Variants in FOXN1 observed in about 807,000 individuals in gnomAD.
The protein encoded by FOXN1 is forkhead box protein N1.
Under a neutral mutation model 49.0 loss-of-function variants are expected in FOXN1, and 15 were observed. The ratio of observed to expected loss-of-function variants is 0.31; its 90% CI spans 0.20 to 0.47. The LOEUF (loss-of-function observed/expected upper bound fraction) is 0.47. Ranked by LOEUF, FOXN1 falls within the 20% of genes least tolerant of loss-of-function variation. FOXN1 has a pLI of 1.00. For missense variants in FOXN1, 800 were observed against 842.8 expected (o/e 0.95, Z 0.63); for synonymous variants, 356 against 369.0 (o/e 0.96, Z 0.40).
chr17:28,513,763 C>T (rs994390584), intron 1 of FOXN1, among the ~76,000 whole-genome samples: 8 of 152,240 alleles, frequency 5.3e-5, no homozygotes, highest in African/African-American at 1.9e-4. Context: ...TGATGGTGGC[C>T]ATGACCCAGA....
chr17:28,524,339 T>C (rs2069712840), intron 2 of FOXN1, among the ~76,000 whole-genome samples, 164 bp from the exon 3 acceptor site: 1 of 27,880 alleles, frequency 3.6e-5, no homozygotes, highest in African/African-American at 2.3e-4. Flanking sequence ...CAGGGTGCCC[T>C]CATGAAATCG....
chr17:28,538,733 A>G lies in FOXN1; in HGVS notation c.*1297A>G, dbSNP rs1428503579. On this transcript the variant is annotated 3_prime_UTR_variant, in exon 9 of 9. Coordinates refer to ENST00000579795, the MANE Select transcript of FOXN1 (RefSeq NM_001369369.1). ...GCGGGGTGTGGCCCAGGTGCCTGCC[A>G]TGAGCCTGACCCCATCGAGGGGGAA... The G allele has an allele frequency of 2.0e-5, 3 of 152,372 alleles. No individual in the cohort carries two copies. The highest frequency in any genetic ancestry group is 7.2e-5 in the African/African-American group (3 of 41,574). The allele number at this position is 152,372 out of a possible 1,614,324, so 9.4% of individuals were successfully genotyped here. A position where few individuals can be genotyped will look rare whatever the true frequency, so the allele number is the denominator to read the frequency against.
chr17:28,507,397 C>T (rs2069286967), intron 1 of FOXN1, among the ~76,000 whole-genome samples: 1 of 152,208 alleles, frequency 6.6e-6, no homozygotes, highest in Non-Finnish European at 1.5e-5. Context: ...CACCTACAGG[C>T]ATGGGGGATA....
At position 28,506,407 on chromosome 17, in the gene FOXN1, G is replaced by C. The variant is rs2069262625; in HGVS notation, c.-51G>C. The stretch of plus-strand genomic sequence containing the variant: ...GACGGACAGAGCTCCTGGCCCCCCA[G>C]ACCCGGGCCCCCACGCCGACCTGCT... On this transcript the variant is annotated 5_prime_UTR_variant, in exon 1 of 9. Transcript: ENST00000579795. The C allele has an allele frequency of 6.6e-6, 1 of 152,448 alleles. No individual in the cohort carries two copies. Among genetic ancestry groups the C allele is most frequent in the African/African-American group, 2.4e-5 (1 of 41,466 alleles). The allele number at this position is 152,448 out of a possible 1,614,324, so 9.4% of individuals were successfully genotyped here. A position where few individuals can be genotyped will look rare whatever the true frequency, so the allele number is the denominator to read the frequency against.
chr17:28,520,353 C>T lies in FOXN1; in HGVS notation c.-14-3603C>T, dbSNP rs1327576573. On this transcript the variant is annotated intron_variant, in intron 1 of 8. Transcript: ENST00000579795. The stretch of plus-strand genomic sequence containing the variant: ...CCTGAGGACCCCCTCTCTCCTGGGC[C>T]GTGTGGCCTTAGGAAAGTCACTTTA... Among the ~76,000 whole-genome samples, 4 of 152,210 alleles carry T rather than the reference C, an allele frequency of 2.6e-5. 1 individual carries two copies. The highest frequency in any genetic ancestry group is 4.1e-4 in the South Asian group (2 of 4,828).
rs545409337 is a variant in FOXN1, at chr17:28,537,163, C to T, written c.1674C>T (p.Pro558=). Residue 558 remains proline, a synonymous_variant, in exon 9 of 9, where the codon CCC becomes CCT. Transcript: ENST00000579795. ...AGGATGATAGCTTGGCCCTCGACCC[C>T]CTGGTACTGGTGACCTCATCCCCGA... ...QLKDDSLALD[P]LVLVTSSPTS... 1 of 1,614,104 alleles carries T rather than the reference C, an allele frequency of 6.2e-7. No homozygotes were observed. The highest frequency in any genetic ancestry group is 1.1e-5 in the South Asian group (1 of 91,086).
Position 28,534,914 on chromosome 17 carries a change from C to G in FOXN1, c.1343C>G (p.Pro448Arg). ...CAGGACCTACTTATGGGGCACACAC[C>G]CTCCTGCTATGGGCAGACATACTTG... ...PLQDLLMGHT[P>R]SCYGQTYLHL... is the part of the protein sequence containing the mutation. Residue 448 changes from proline (P) to arginine (R), a missense_variant, in exon 8 of 9, where the codon CCC becomes CGC. Coordinates refer to ENST00000579795, the MANE Select transcript of FOXN1 (RefSeq NM_001369369.1). The surrounding 1 kb of genome is among the most constrained non-coding windows in gnomAD (Gnocchi z 4.1). 6.2e-7 allele frequency: 1 copy of G among 1,614,136 alleles called. No homozygotes were observed. Among genetic ancestry groups the G allele is most frequent in the African/African-American group, 1.3e-5 (1 of 75,050 alleles).
chr17:28,515,204 G>A (rs2069469952), intron 1 of FOXN1, among the ~76,000 whole-genome samples: 1 of 152,010 alleles, frequency 6.6e-6, no homozygotes, highest in African/African-American at 2.4e-5. Flanking sequence ...TGACAGCTCT[G>A]TGGGCCAGAT....
chr17:28,529,904 C>T (rs955709526), intron 5 of FOXN1, among the ~76,000 whole-genome samples: 14 of 151,984 alleles, frequency 9.2e-5, no homozygotes, highest in Non-Finnish European at 1.5e-4. Flanking sequence ...AAGACATACA[C>T]GCAGCTCTTG....
intron 1 of FOXN1, among the ~76,000 whole-genome samples, chr17:28,523,342 CG>C (rs967367155): frequency 3.3e-5 from 5 of 152,200 alleles, no homozygotes; most frequent in African/African-American, 1.2e-4. Context: ...TCCAGGCAAC[CG>C]GGGGCCTTTG....
intron 1 of FOXN1, among the ~76,000 whole-genome samples, chr17:28,522,694 C>T (rs999441835): frequency 6.6e-6 from 1 of 151,896 alleles, no homozygotes; most frequent in Admixed American, 6.6e-5. Context: ...AAAAAATAGC[C>T]AGGTGTGGTG....
chr17:28,508,004 C>A (rs1005252151), intron 1 of FOXN1, among the ~76,000 whole-genome samples: 1 of 152,156 alleles, frequency 6.6e-6, no homozygotes, highest in African/African-American at 2.4e-5. Context: ...CATGTCCTCC[C>A]GGCTCCCCGC....
intron 8 of FOXN1, among the ~76,000 whole-genome samples, chr17:28,536,732 C>T (rs541000090): frequency 2.3e-4 from 35 of 152,268 alleles, no homozygotes; most frequent in African/African-American, 7.0e-4. Flanking sequence ...AGTACACTGC[C>T]GGAAGCTGCT....
At chr17:28,528,807 A>G (rs1335100439) in intron 4 of FOXN1, among the ~76,000 whole-genome samples, 2 of 152,152 alleles carry the variant, frequency 1.3e-5, no homozygotes, top group African/African-American at 4.8e-5. Flanking sequence ...GCTTCACTTC[A>G]TACTCTCCCT....
chr17:28,535,426 C>T (rs1271432474), intron 8 of FOXN1, among the ~76,000 whole-genome samples: 2 of 152,216 alleles, frequency 1.3e-5, no homozygotes, highest in African/African-American at 2.4e-5. Flanking sequence ...CCTCCTGGTG[C>T]TCCAAACATG....
At chr17:28,507,864 T>C (rs1555606357) in intron 1 of FOXN1, among the ~76,000 whole-genome samples, 1 of 152,158 alleles carries the variant, frequency 6.6e-6, no homozygotes. Context: ...CTTTCTCTTG[T>C]GGCTCTGTGA....
intron 1 of FOXN1, among the ~76,000 whole-genome samples, chr17:28,509,799 T>C (rs1292887571): frequency 1.3e-5 from 2 of 152,172 alleles, no homozygotes; most frequent in African/African-American, 4.8e-5. Flanking sequence ...GGGCAGGCTT[T>C]CTCAGGGGGC....
chr17:28,537,563 CGT>C lies in FOXN1; in HGVS notation c.*134_*135del, dbSNP rs2070103254. On this transcript the variant is annotated 3_prime_UTR_variant, in exon 9 of 9. Transcript: ENST00000579795. ...CCTGTCCCCTATGCCACTAAGCCAACGTGTGTGTCAGCTGGTAGCTGGGGGCG... is the reference window on the plus strand; with the variant it reads ...CCTGTCCCCTATGCCACTAAGCCAACGTGTGTCAGCTGGTAGCTGGGGGCG... 3 of 758,202 alleles carry C rather than the reference CGT, an allele frequency of 4.0e-6. No individual in the cohort carries two copies. The highest frequency in any genetic ancestry group is 4.0e-5 in the Admixed American group (2 of 49,988). The allele number at this position is 758,202 out of a possible 1,614,324, so 47.0% of individuals were successfully genotyped here. A position where few individuals can be genotyped will look rare whatever the true frequency, so the allele number is the denominator to read the frequency against.
chr17:28,517,577 CATACCTCCACAGG>C (rs2069547651), intron 1 of FOXN1, among the ~76,000 whole-genome samples: 1 of 148,286 alleles, frequency 6.7e-6, no homozygotes, highest in Non-Finnish European at 1.5e-5. Flanking sequence ...CCACAGGATC[CATACCTCCACAGG>C]GTACACACCT....
Sources: allele counts gnomAD v4.1 joint callset (sites outside exome capture counted in the v4.1 genomes callset), GRCh38; gene constraint gnomAD v4.1.1; non-coding constraint Gnocchi (gnomAD v3.1); transcripts MANE v1.5; gene names NCBI Gene and HGNC (gene_info 2026-07-23, HGNC 2026-07-21).